Variants in ABLIM1 observed in about 807,000 individuals in gnomAD.
ABLIM1 encodes actin-binding LIM protein 1.
ABLIM1 carries 40 observed loss-of-function variants against 107.0 expected under a neutral mutation model. That is an observed-to-expected ratio of 0.37 (90% confidence interval 0.29 to 0.49). ABLIM1 has a LOEUF of 0.49. Among genes scored for constraint, ABLIM1 ranks in the 20% least tolerant of loss-of-function variants. The pLI, the probability that ABLIM1 is intolerant of heterozygous loss-of-function variation, is 0.97. For synonymous variants in ABLIM1, 357 were observed against 357.3 expected, an observed-to-expected ratio of 1.00 and a Z score of 0.01; for missense variants, 857 against 1,008.5, an observed-to-expected ratio of 0.85 and a Z score of 2.04.
chr10:114,530,044 A>T (rs1190786567), intron 6 of ABLIM1, among the ~76,000 whole-genome samples: 1 of 152,212 alleles, frequency 6.6e-6, no homozygotes, highest in African/African-American at 2.4e-5. Context: ...TAATATTTTT[A>T]AAAATAATCA....
intron 10 of ABLIM1, 94 bp downstream of exon 10, chr10:114,472,883 C>A: frequency 7.7e-7 from 1 of 1,305,894 alleles, no homozygotes; most frequent in Non-Finnish European, 1.0e-6. Flanking sequence ...AAAAGACCAC[C>A]TGATTTACCT....
chr10:114,636,343 C>T (rs1463476283), intron 1 of ABLIM1, among the ~76,000 whole-genome samples: 1 of 152,136 alleles, frequency 6.6e-6, no homozygotes, highest in Non-Finnish European at 1.5e-5. Context: ...AAAGAATGGA[C>T]CTTAGAAATG....
At chr10:114,584,281 C>G (rs1291214231) in intron 2 of ABLIM1, among the ~76,000 whole-genome samples, 1 of 152,152 alleles carries the variant, frequency 6.6e-6, no homozygotes, top group Non-Finnish European at 1.5e-5. Context: ...CCCCAATTAG[C>G]ACTGCGAATA....
intron 1 of ABLIM1, among the ~76,000 whole-genome samples, chr10:114,656,936 G>A (rs1230876548): frequency 6.6e-6 from 1 of 152,192 alleles, no homozygotes; most frequent in East Asian, 1.9e-4. Flanking sequence ...AAGAGGTTGG[G>A]GTGGGGAGGC....
chr10:114,641,084 T>C (rs903263292), intron 1 of ABLIM1, among the ~76,000 whole-genome samples: 1 of 146,188 alleles, frequency 6.8e-6, no homozygotes, highest in Non-Finnish European at 1.5e-5. Context: ...GCTTGAAAAC[T>C]GAAATTCAAG....
chr10:114,752,670 TGTAA>T (rs1213795691), intron 1 of ABLIM1, among the ~76,000 whole-genome samples: 1 of 152,208 alleles, frequency 6.6e-6, no homozygotes, highest in Non-Finnish European at 1.5e-5. Context: ...AGCTCCCACT[TGTAA>T]GTGAGAACAT....
chr10:114,494,918 C>A (rs1388960423), intron 6 of ABLIM1, among the ~76,000 whole-genome samples: 7 of 152,128 alleles, frequency 4.6e-5, no homozygotes, highest in Admixed American at 4.6e-4. Flanking sequence ...TATTAGGAAC[C>A]TAGTATATTG....
chr10:114,761,430 A>G (rs1329803895), intron 1 of ABLIM1, among the ~76,000 whole-genome samples: 3 of 152,168 alleles, frequency 2.0e-5, no homozygotes, highest in Non-Finnish European at 4.4e-5. Context: ...GCTACTGCCC[A>G]GGCTCTCGGC....
intron 1 of ABLIM1, among the ~76,000 whole-genome samples, chr10:114,674,975 G>A (rs4751638): frequency 1 from 152,277 of 152,280 alleles, 76,137 homozygotes; most frequent in Non-Finnish European, 1. Flanking sequence ...TGCTATATGA[G>A]CACACGGCTC....
intron 14 of ABLIM1, among the ~76,000 whole-genome samples, chr10:114,448,830 G>A (rs536768609): frequency 8.5e-5 from 13 of 152,130 alleles, no homozygotes; most frequent in African/African-American, 1.4e-4. Context: ...GGTTGGTCTC[G>A]AACTCCTGAC....
intron 1 of ABLIM1, among the ~76,000 whole-genome samples, chr10:114,751,801 G>A (rs2082518955): frequency 1.3e-5 from 2 of 151,264 alleles, no homozygotes; most frequent in South Asian, 2.1e-4. Flanking sequence ...ACGAACTCAT[G>A]CACAGGGGGG....
At chr10:114,603,759 G>A (rs1436384392) in intron 1 of ABLIM1, among the ~76,000 whole-genome samples, 1 of 151,878 alleles carries the variant, frequency 6.6e-6, no homozygotes, top group Non-Finnish European at 1.5e-5. Context: ...TTCGAGACCA[G>A]CCTGGCCAAC....
chr10:114,653,182 A>C (rs551943278), intron 1 of ABLIM1, among the ~76,000 whole-genome samples: 2 of 152,296 alleles, frequency 1.3e-5, no homozygotes, highest in African/African-American at 4.8e-5. Context: ...TTCTCTGTAA[A>C]ATGAGATAAA....
At chr10:114,491,452 T>G (rs2475227) in intron 7 of ABLIM1, among the ~76,000 whole-genome samples, 24,573 of 152,080 alleles carry the variant, frequency 0.16, 2,686 homozygotes, top group East Asian at 0.56. Flanking sequence ...TTTTAATCTT[T>G]TGTTTCCTAA....
chr10:114,707,006 T>C lies in ABLIM1; in HGVS notation c.-213+61055A>G, dbSNP rs1379984881. ...ACCAGCACTGTCAATGGAAATAGAA[T>C]GTGATATACAAATAATGTAATTTAA... is the stretch of plus-strand genomic sequence containing the variant. On this transcript the variant is annotated intron_variant, in intron 1 of 15. Coordinates refer to the ABLIM1 transcript ENST00000651092. This position sits in a 1 kb window ranked among gnomAD's most constrained non-coding sequence, Gnocchi z 4.1. Among the ~76,000 whole-genome samples the C allele has an allele frequency of 3.3e-5, 5 of 152,212 alleles. No individual in the cohort carries two copies. Among genetic ancestry groups the C allele is most frequent in the Admixed American group, 2.6e-4 (4 of 15,284 alleles).
At chr10:114,453,268 T>G in intron 13 of ABLIM1, 111 bp downstream of exon 13, 5 of 1,186,302 alleles carry the variant, frequency 4.2e-6, no homozygotes, top group Non-Finnish European at 6.2e-6. Flanking sequence ...TTAGGGTTTG[T>G]TAACTGTGCA....
rs911929535 is a variant in ABLIM1, at chr10:114,620,415, AT to A, written c.245-18455del. Among the ~76,000 whole-genome samples, 22 of 151,306 alleles carry A rather than the reference AT, an allele frequency of 1.5e-4. 2 individuals carry two copies. In the South Asian group the frequency reaches 3.6e-3, roughly 24 times the overall value. On this transcript the variant is annotated intron_variant, in intron 1 of 22. Transcript: ENST00000533213. ...ACATGTTTTGTTTGGCCCACACAAT[AT>A]TTTTTTTTCTTCAGAAGAAGTCTCA...
At chr10:114,575,050 A>T (rs1039945311) in intron 3 of ABLIM1, among the ~76,000 whole-genome samples, 2 of 152,112 alleles carry the variant, frequency 1.3e-5, no homozygotes, top group African/African-American at 4.8e-5. Flanking sequence ...GATGAAAGAG[A>T]CCATTTTAAA....
At chr10:114,742,836 C>T (rs551818493) in intron 1 of ABLIM1, among the ~76,000 whole-genome samples, 1 of 152,044 alleles carries the variant, frequency 6.6e-6, no homozygotes, top group Non-Finnish European at 1.5e-5. Context: ...GGCTGAGGCA[C>T]GAGAATCGCT....
Sources: allele counts gnomAD v4.1 joint callset (sites outside exome capture counted in the v4.1 genomes callset), GRCh38; gene constraint gnomAD v4.1.1; non-coding constraint Gnocchi (gnomAD v3.1); transcripts MANE v1.5; gene names NCBI Gene and HGNC (gene_info 2026-07-23, HGNC 2026-07-21).